The following HIP1 variants were observed in gnomAD, a reference collection of about 807,000 sequenced individuals.
HIP1 encodes huntingtin interacting protein 1, also known as huntingtin-interacting protein 1.
Under a neutral mutation model 147.6 loss-of-function variants are expected in HIP1, and 65 were observed. The observed-to-expected ratio is 0.44, with a 90% CI of 0.36 to 0.54. HIP1 has a LOEUF of 0.54. HIP1 is among the 20% of genes least tolerant of loss of function. The pLI is 0.00. For missense variants in HIP1, 1,061 were observed against 1,299.6 expected (o/e 0.82, Z 2.82); for synonymous variants, 479 against 504.0 (o/e 0.95, Z 0.67).
At chr7:75,557,825 C>T (rs950147716) in intron 15 of HIP1, 55 bp from the exon 16 acceptor site, 5 of 1,311,906 alleles carry the variant, frequency 3.8e-6, no homozygotes, top group Non-Finnish European at 3.3e-6. Flanking sequence ...AGAGGACATC[C>T]TCCTTCTAGG....
chr7:75,663,940 ATATATATACACATATATGTG>A, intron 1 of HIP1, among the ~76,000 whole-genome samples: 1 of 131,978 alleles, frequency 7.6e-6, no homozygotes, highest in African/African-American at 2.7e-5. Context: ...GTGTGTATAT[ATATATATACACATATATGTG>A]TATATATATA....
intron 1 of HIP1, among the ~76,000 whole-genome samples, chr7:75,728,833 C>T (rs1047927830): frequency 2.2e-5 from 3 of 139,314 alleles, no homozygotes; most frequent in African/African-American, 5.4e-5. Flanking sequence ...GGACCAGGGA[C>T]GAGGGACCCT....
chr7:75,737,489 C>T (rs1338856050), intron 1 of HIP1, among the ~76,000 whole-genome samples: 1 of 152,044 alleles, frequency 6.6e-6, no homozygotes, highest in African/African-American at 2.4e-5. Context: ...GGATTACAAG[C>T]GTCTGCAACC....
intron 1 of HIP1, among the ~76,000 whole-genome samples, chr7:75,701,847 T>A (rs557793179): frequency 6.6e-6 from 1 of 152,130 alleles, no homozygotes; most frequent in African/African-American, 2.4e-5. Flanking sequence ...AGTGAGACCC[T>A]ATTGCAACAA....
At chr7:75,702,931 C>G (rs925791009) in intron 1 of HIP1, among the ~76,000 whole-genome samples, 1 of 152,168 alleles carries the variant, frequency 6.6e-6, no homozygotes, top group African/African-American at 2.4e-5. Context: ...ATGCAAAATA[C>G]CTCCCATTAG....
At chr7:75,558,874 C>G (rs1795117740) in intron 14 of HIP1, among the ~76,000 whole-genome samples, 1 of 152,082 alleles carries the variant, frequency 6.6e-6, no homozygotes, top group African/African-American at 2.4e-5. Flanking sequence ...CAAAAATCAG[C>G]TGGACATGGT....
chr7:75,605,353 A>G (rs946318507), intron 1 of HIP1, among the ~76,000 whole-genome samples: 1 of 152,022 alleles, frequency 6.6e-6, no homozygotes, highest in Non-Finnish European at 1.5e-5. Context: ...ATGCAGCCTG[A>G]GGGCCGGGGG....
At chr7:75,727,060 T>C (rs1801672744) in intron 1 of HIP1, among the ~76,000 whole-genome samples, 1 of 152,164 alleles carries the variant, frequency 6.6e-6, no homozygotes, top group African/African-American at 2.4e-5. Flanking sequence ...GCCATTTGTT[T>C]ATCCCCTTTC....
chr7:75,637,284 A>G (rs1457998973), intron 1 of HIP1, among the ~76,000 whole-genome samples: 1 of 152,248 alleles, frequency 6.6e-6, no homozygotes, highest in Non-Finnish European at 1.5e-5. Flanking sequence ...ATGGATGGAC[A>G]GAGGTCCCTG....
chr7:75,691,426 G>A (rs1186164439), intron 1 of HIP1, among the ~76,000 whole-genome samples: 1 of 151,886 alleles, frequency 6.6e-6, no homozygotes, highest in Non-Finnish European at 1.5e-5. Context: ...GGGAAGCAGA[G>A]GTTGCAGTGA....
intron 16 of HIP1, among the ~76,000 whole-genome samples, chr7:75,557,351 C>A (rs7794516): frequency 0.73 from 111,060 of 151,264 alleles, 41,223 homozygotes; most frequent in Middle Eastern, 0.87. Flanking sequence ...AACAAACAAA[C>A]AAAAAAAAAC....
intron 1 of HIP1, among the ~76,000 whole-genome samples, chr7:75,617,916 C>T (rs958748733): frequency 3.9e-5 from 6 of 152,228 alleles, no homozygotes; most frequent in Admixed American, 6.5e-5. Context: ...CCCTAGAAAG[C>T]GCAGCCTTGG....
chr7:75,737,559 T>A (rs1802065371), intron 1 of HIP1, among the ~76,000 whole-genome samples: 1 of 151,312 alleles, frequency 6.6e-6, no homozygotes, highest in African/African-American at 2.4e-5. Flanking sequence ...TTGGCCAGGC[T>A]GGTCTCAAAC....
intron 4 of HIP1, 43 bp from the exon 5 acceptor site, chr7:75,586,876 TA>T: frequency 8.3e-7 from 1 of 1,209,868 alleles, no homozygotes; most frequent in Non-Finnish European, 1.2e-6. Flanking sequence ...AACAAGAACA[TA>T]ACAGTCAAGA....
intron 1 of HIP1, among the ~76,000 whole-genome samples, chr7:75,700,481 C>T (rs981721611): frequency 2.2e-4 from 33 of 152,140 alleles, no homozygotes; most frequent in African/African-American, 8.0e-4. Context: ...TGACAGGTCT[C>T]CTGTCCTCAA....
Position 75,562,997 on chromosome 7 carries a change from A to T in HIP1, c.958T>A (p.Ser320Thr). ...TCTAGGACTGGCTCGCTGTCGGGGG[A>T]TGAGGCCTCTGCAGGGATCACCACC... Reference protein sequence around the residue: ...PVVVIPAEASSPDSEPVLEKD... With the variant: ...PVVVIPAEASTPDSEPVLEKD... Residue 320 changes from serine (S) to threonine (T), a missense_variant, in exon 11 of 31, where the codon TCC becomes ACC. Around this residue, in one of 3 missense-constraint regions of HIP1, gnomAD observed 810 missense variants for 946.8 expected, o/e 0.86. Coordinates refer to ENST00000336926, the MANE Select transcript of HIP1 (RefSeq NM_005338.7). 6.2e-7 allele frequency: 1 copy of T among 1,613,998 alleles called. No homozygotes were observed. Among genetic ancestry groups the T allele is most frequent in the Non-Finnish European group, 8.5e-7 (1 of 1,179,986 alleles).
intron 18 of HIP1, 80 bp downstream of exon 18, chr7:75,555,946 T>C (rs1584791560): frequency 2.6e-6 from 4 of 1,542,306 alleles, no homozygotes; most frequent in Non-Finnish European, 2.7e-6. Flanking sequence ...AGCCCCGGGG[T>C]CCTCCCAGCC....
intron 1 of HIP1, among the ~76,000 whole-genome samples, chr7:75,694,847 C>T (rs1021445906): frequency 6.6e-6 from 1 of 152,008 alleles, no homozygotes; most frequent in African/African-American, 2.4e-5. Context: ...ATTCTCTGCA[C>T]TTTCCAACTT....
intron 16 of HIP1, among the ~76,000 whole-genome samples, chr7:75,557,019 ATTATTTATTTAT>A (rs3041772): frequency 6.9e-5 from 10 of 145,446 alleles, no homozygotes; most frequent in South Asian, 2.2e-4. Context: ...AGGATTTTTT[ATTATTTATTTAT>A]TTATTTATTT....
Sources: gnomAD v4.1 joint callset for allele counts (sites outside exome capture counted in the v4.1 genomes callset) on GRCh38, gnomAD v4.1.1 for gene constraint, gnomAD v4.1.1 regional missense constraint, MANE v1.5 for transcripts, NCBI Gene and HGNC (gene_info 2026-07-23, HGNC 2026-07-21) for gene names.